Variants in WWOX observed in about 807,000 individuals in gnomAD.
WWOX encodes the protein WW domain containing oxidoreductase.
A neutral mutation model predicts 46.2 loss-of-function variants in WWOX; 69 were observed. The observed-to-expected ratio is 1.49, with a 90% CI of 1.23 to 1.82. WWOX has a LOEUF of 1.82. Among genes scored for constraint, WWOX ranks in the 40% most tolerant of loss-of-function variants. The pLI is 0.00. For missense variants in WWOX, 919 were observed against 542.6 expected (o/e 1.69, Z -6.89); for synonymous variants, 359 against 202.6 (o/e 1.77, Z -6.56).
intron 8 of WWOX, among the ~76,000 whole-genome samples, chr16:78,696,439 C>G (rs964657173): frequency 6.6e-6 from 1 of 152,090 alleles, no homozygotes; most frequent in Non-Finnish European, 1.5e-5. Flanking sequence ...CCATACACAT[C>G]CAGTAGAAAC....
chr16:78,791,767 C>G (rs573259565), intron 8 of WWOX, among the ~76,000 whole-genome samples: 2 of 151,986 alleles, frequency 1.3e-5, no homozygotes, highest in East Asian at 1.9e-4. Flanking sequence ...ATAATTGCAG[C>G]TACTTGGAAG....
At chr16:79,152,146 C>T (rs960444368) in intron 8 of WWOX, among the ~76,000 whole-genome samples, 2 of 152,186 alleles carry the variant, frequency 1.3e-5, no homozygotes, top group Non-Finnish European at 2.9e-5. Flanking sequence ...GATTTTGTTT[C>T]TGTCGGCACT....
At chr16:79,179,767 A>G (rs1440001448) in intron 8 of WWOX, among the ~76,000 whole-genome samples, 1 of 152,204 alleles carries the variant, frequency 6.6e-6, no homozygotes, top group Non-Finnish European at 1.5e-5. Context: ...AAAGATCTCA[A>G]CCTTGAATCC....
At chr16:78,842,310 A>G (rs1217138983) in intron 8 of WWOX, among the ~76,000 whole-genome samples, 1 of 150,776 alleles carries the variant, frequency 6.6e-6, no homozygotes, top group African/African-American at 2.4e-5. Context: ...TCTGGGCAAC[A>G]TAGGCAGACC....
intron 8 of WWOX, among the ~76,000 whole-genome samples, chr16:78,463,531 A>G (rs1423961628): frequency 6.6e-6 from 1 of 152,152 alleles, no homozygotes; most frequent in African/African-American, 2.4e-5. Context: ...GGTCATTTGT[A>G]TTGTTTTGAG....
chr16:78,701,783 G>C (rs2048223303), intron 8 of WWOX, among the ~76,000 whole-genome samples: 1 of 151,848 alleles, frequency 6.6e-6, no homozygotes, highest in Non-Finnish European at 1.5e-5. Context: ...CTGAGATGCA[G>C]TCTGCTGAGC....
chr16:78,239,803 G>A (rs572278311), intron 5 of WWOX, among the ~76,000 whole-genome samples: 10 of 152,212 alleles, frequency 6.6e-5, no homozygotes, highest in Admixed American at 1.3e-4. Flanking sequence ...CCAAAATGCC[G>A]GGATTATAGA....
intron 8 of WWOX, among the ~76,000 whole-genome samples, chr16:78,710,389 C>T (rs980889395): frequency 6.1e-5 from 9 of 148,748 alleles, no homozygotes; most frequent in African/African-American, 2.0e-4. Context: ...CCAGAGCCTT[C>T]CGCATCTGCT....
intron 8 of WWOX, among the ~76,000 whole-genome samples, chr16:78,675,958 C>G (rs2047588225): frequency 6.6e-6 from 1 of 152,044 alleles, no homozygotes. Context: ...TGTCCCACCA[C>G]AAACCATTTA....
At chr16:78,546,474 G>T (rs1383658027) in intron 8 of WWOX, among the ~76,000 whole-genome samples, 3 of 152,168 alleles carry the variant, frequency 2.0e-5, no homozygotes, top group Admixed American at 6.5e-5. Context: ...TCATCACTTT[G>T]TTAATTACAT....
intron 8 of WWOX, among the ~76,000 whole-genome samples, chr16:78,859,274 G>C (rs1192530543): frequency 1.3e-5 from 2 of 151,410 alleles, no homozygotes; most frequent in African/African-American, 4.9e-5. Context: ...AAGGGAAGTG[G>C]AGAAGGCAGG....
chr16:79,121,794 T>C (rs2049637632), intron 8 of WWOX, among the ~76,000 whole-genome samples: 2 of 152,152 alleles, frequency 1.3e-5, no homozygotes, highest in Admixed American at 1.3e-4. Flanking sequence ...CATTACTCTT[T>C]AAAAGTGGCC....
At chr16:78,334,244 T>G (rs1283509680) in intron 5 of WWOX, among the ~76,000 whole-genome samples, 1 of 152,180 alleles carries the variant, frequency 6.6e-6, no homozygotes, top group African/African-American at 2.4e-5. Flanking sequence ...CGTACAAAAT[T>G]CACTTTAGTT....
intron 8 of WWOX, among the ~76,000 whole-genome samples, chr16:78,851,857 C>T (rs1173978100): frequency 6.6e-6 from 1 of 152,152 alleles, no homozygotes; most frequent in East Asian, 1.9e-4. Flanking sequence ...TTTTAAAAGA[C>T]TGGAGTTTTT....
chr16:79,206,532 T>C (rs2051517425), intron 8 of WWOX: 1 of 152,206 alleles, frequency 6.6e-6, no homozygotes, highest in South Asian at 2.1e-4. Flanking sequence ...AAGCTCTCCA[T>C]GCAGAGCCTG....
chr16:78,885,493 C>G (rs2044436144), intron 8 of WWOX, among the ~76,000 whole-genome samples: 1 of 152,128 alleles, frequency 6.6e-6, no homozygotes, highest in Non-Finnish European at 1.5e-5. Flanking sequence ...TTAAAAGCAG[C>G]AAAATAGTTC....
chr16:78,457,345 C>G (rs567399365), intron 8 of WWOX, among the ~76,000 whole-genome samples: 1 of 152,184 alleles, frequency 6.6e-6, no homozygotes, highest in Non-Finnish European at 1.5e-5. Flanking sequence ...TACTTGTTCT[C>G]TTGGTTCCTT....
chr16:78,179,941 G>A (rs570337419), intron 5 of WWOX, among the ~76,000 whole-genome samples: 1 of 152,308 alleles, frequency 6.6e-6, no homozygotes, highest in East Asian at 1.9e-4. Context: ...GTTATAACTT[G>A]GGCAGCAGTA....
chr16:78,503,171 G>T (rs2085111861), intron 8 of WWOX, among the ~76,000 whole-genome samples: 1 of 152,162 alleles, frequency 6.6e-6, no homozygotes, highest in Non-Finnish European at 1.5e-5. Flanking sequence ...ATTTATGTCT[G>T]ACCCCAGGAA....
Sources: allele counts gnomAD v4.1 joint callset (sites outside exome capture counted in the v4.1 genomes callset), GRCh38; gene constraint gnomAD v4.1.1; transcripts MANE v1.5; gene names NCBI Gene and HGNC (gene_info 2026-07-23, HGNC 2026-07-21).